Variants in SRPK2 observed in about 807,000 individuals in gnomAD.
The protein encoded by SRPK2 is SFRS protein kinase 2.
In SRPK2, 21 loss-of-function variants were observed where a neutral mutation model predicts 90.8. The ratio of observed to expected loss-of-function variants is 0.23; its 90% CI spans 0.16 to 0.33. The LOEUF (loss-of-function observed/expected upper bound fraction) is 0.33, where lower values mean the gene tolerates loss of function less well. SRPK2 is among the 10% of genes least tolerant of loss of function. SRPK2 has a pLI of 1.00. For missense variants in SRPK2, 620 were observed against 869.0 expected (o/e 0.71, Z 3.60); for synonymous variants, 288 against 311.1 (o/e 0.93, Z 0.78).
rs111693740 is a variant in SRPK2, at chr7:105,307,633, G to C, written c.71+81015C>G. 3.2e-3 allele frequency among the ~76,000 whole-genome samples: 492 copies of C among 152,302 alleles called. 3 individuals are homozygous for C. The highest frequency in any genetic ancestry group is 0.011 in the African/African-American group (471 of 41,584). On this transcript the variant is annotated intron_variant, in intron 2 of 15. Coordinates refer to ENST00000393651, the MANE Select transcript of SRPK2 (RefSeq NM_182692.3). ...ATCCTGACTACAATGCCCCACAGCT[G>C]TTAAAAAATATTAGTAAATATGACT...
chr7:105,202,611 T>C (rs1795699884), intron 3 of SRPK2, among the ~76,000 whole-genome samples: 1 of 152,214 alleles, frequency 6.6e-6, no homozygotes. Flanking sequence ...GCTTGCCCTT[T>C]AGGAGTTTAA....
At position 105,363,917 on chromosome 7, in the gene SRPK2, A is replaced by G. The variant is rs1186855971; in HGVS notation, c.71+24731T>C. ...AATGAATCTGGAAACCATCATTCTC[A>G]GCAAACTATCACAAGGACAGAAAAC... On this transcript the variant is annotated intron_variant, in intron 2 of 15. Coordinates refer to ENST00000393651, the MANE Select transcript of SRPK2 (RefSeq NM_182692.3). 2.0e-5 allele frequency among the ~76,000 whole-genome samples: 3 copies of G among 152,096 alleles called. No homozygotes were observed. The South Asian group carries it at 6.2e-4, about 32-fold the overall frequency.
intron 11 of SRPK2, among the ~76,000 whole-genome samples, chr7:105,137,130 T>C (rs1047710197): frequency 2.6e-5 from 4 of 152,106 alleles, no homozygotes; most frequent in Admixed American, 6.5e-5. Context: ...AAGAGAAGTT[T>C]GAGGCAAAGG....
chr7:105,243,688 T>G (rs1801162534), intron 2 of SRPK2, among the ~76,000 whole-genome samples: 1 of 151,042 alleles, frequency 6.6e-6, no homozygotes, highest in Non-Finnish European at 1.5e-5. Flanking sequence ...AACGGTAAAT[T>G]TAGGGCTGTG....
intron 2 of SRPK2, among the ~76,000 whole-genome samples, chr7:105,266,711 G>A (rs552783035): frequency 3.9e-5 from 6 of 152,174 alleles, no homozygotes; most frequent in East Asian, 3.9e-4. Context: ...AGGAATTTAA[G>A]AATGTAATGA....
intron 2 of SRPK2, among the ~76,000 whole-genome samples, chr7:105,338,323 C>T (rs1172442126): frequency 6.6e-6 from 1 of 152,212 alleles, no homozygotes; most frequent in Non-Finnish European, 1.5e-5. Context: ...GCAACCTCCA[C>T]ATCCCCAGCT....
At chr7:105,270,663 C>A (rs1805719544) in intron 2 of SRPK2, among the ~76,000 whole-genome samples, 1 of 151,932 alleles carries the variant, frequency 6.6e-6, no homozygotes, top group South Asian at 2.1e-4. Context: ...CCCACCTCAG[C>A]CTCCCAAAGT....
chr7:105,367,067 GT>G (rs57405823), intron 2 of SRPK2, among the ~76,000 whole-genome samples: 25,038 of 143,366 alleles, frequency 0.17, 2,646 homozygotes, highest in East Asian at 0.57. Flanking sequence ...CTTTTTTTTT[GT>G]TTTTTTTTTT....
upstream of SRPK2, chr7:105,389,483 C>T: frequency 1.9e-6 from 2 of 1,057,344 alleles, no homozygotes; most frequent in South Asian, 1.7e-5. Flanking sequence ...TCTCTCCCAC[C>T]TCTAAGTGCC....
In SRPK2 at chr7:105,146,671, A is replaced by C; in HGVS notation, c.622-13T>G. ...ACCCTTGAAGGACCTGGATATAGTA[A>C]AATCAAGAGAGAAGATAAGCTATTA... On this transcript the variant is annotated splice_polypyrimidine_tract_variant and intron_variant, in intron 7 of 15. Coordinates refer to ENST00000393651, the MANE Select transcript of SRPK2 (RefSeq NM_182692.3). 1 of 1,613,000 alleles carries C rather than the reference A, an allele frequency of 6.2e-7. No homozygotes were observed. The highest frequency in any genetic ancestry group is 8.5e-7 in the Non-Finnish European group (1 of 1,179,304).
intron 10 of SRPK2, 150 bp from the exon 11 acceptor site, chr7:105,142,640 G>T: frequency 1.8e-6 from 2 of 1,098,844 alleles, no homozygotes; most frequent in Non-Finnish European, 2.5e-6. Flanking sequence ...AAACCTTCAG[G>T]TTTTCTAAAT....
intron 15 of SRPK2, among the ~76,000 whole-genome samples, chr7:105,119,287 G>C (rs559052334): frequency 3.9e-5 from 6 of 152,008 alleles, no homozygotes; most frequent in Non-Finnish European, 8.8e-5. Context: ...GGCTTGTTCT[G>C]TTTCACCCAT....
At chr7:105,191,566 G>A (rs113700556) in intron 3 of SRPK2, among the ~76,000 whole-genome samples, 1 of 152,150 alleles carries the variant, frequency 6.6e-6, no homozygotes, top group Admixed American at 6.5e-5. Context: ...TCTCTATGGG[G>A]AAGGGGAAGA....
At chr7:105,260,843 T>C (rs1462090974) in intron 2 of SRPK2, among the ~76,000 whole-genome samples, 1 of 116,630 alleles carries the variant, frequency 8.6e-6, no homozygotes, top group Non-Finnish European at 1.7e-5. Flanking sequence ...TGAGAACACA[T>C]GGACACAGGG....
At position 105,185,433 on chromosome 7, in the gene SRPK2, A is replaced by C. The variant is rs79937487; in HGVS notation, c.230-16168T>G. 4.3e-3 allele frequency among the ~76,000 whole-genome samples: 651 copies of C among 152,192 alleles called. 5 individuals carry two copies. The highest frequency in any genetic ancestry group is 0.015 in the African/African-American group (621 of 41,548). ...AATTAAGTTCCTTCCAAAGGTTAGG[A>C]CCTATTTCAGGCTCCTGCTGTTCAT... is the stretch of plus-strand genomic sequence containing the variant. On this transcript the variant is annotated intron_variant, in intron 3 of 15. Transcript: ENST00000393651.
chr7:105,337,189 G>A (rs1474694964), intron 2 of SRPK2, among the ~76,000 whole-genome samples: 1 of 152,106 alleles, frequency 6.6e-6, no homozygotes, highest in African/African-American at 2.4e-5. Flanking sequence ...ATTGCTGTGG[G>A]CTGAATTGTG....
At chr7:105,382,365 C>G (rs1185586075) in intron 2 of SRPK2, among the ~76,000 whole-genome samples, 1 of 151,434 alleles carries the variant, frequency 6.6e-6, no homozygotes, top group Non-Finnish European at 1.5e-5. Flanking sequence ...CCAGCCTGAC[C>G]AAAGTGGAGA....
chr7:105,359,150 CTTTTTTTTT>C lies in SRPK2; in HGVS notation c.71+29489_71+29497del, dbSNP rs35765090. The stretch of plus-strand genomic sequence containing the variant: ...CAAACAAACCATATCCAAACCACAG[CTTTTTTTTT>C]TTTTTTTTTTTTTTTTGGAGACAAA... On this transcript the variant is annotated intron_variant, in intron 2 of 15. Transcript: ENST00000393651. Among the ~76,000 whole-genome samples the C allele has an allele frequency of 9.5e-4, 52 of 54,840 alleles. 1 individual carries two copies. Among genetic ancestry groups the C allele is most frequent in the African/African-American group, 3.5e-3 (46 of 13,236 alleles). 36.0% of individuals were successfully genotyped at this position (54,840 alleles called of 152,430 possible). A position where few individuals can be genotyped will look rare whatever the true frequency, so the allele number is the denominator to read the frequency against.
At chr7:105,372,018 C>A (rs1221816181) in intron 2 of SRPK2, among the ~76,000 whole-genome samples, 1 of 151,738 alleles carries the variant, frequency 6.6e-6, no homozygotes, top group Admixed American at 6.6e-5. Context: ...GCCTGTAGTC[C>A]CAGTTACTCA....
Sources: gnomAD v4.1 joint callset for allele counts (sites outside exome capture counted in the v4.1 genomes callset) on GRCh38, gnomAD v4.1.1 for gene constraint, MANE v1.5 for transcripts, NCBI Gene and HGNC (gene_info 2026-07-23, HGNC 2026-07-21) for gene names.